The following KCNIP2 variants were observed in gnomAD, a reference collection of about 807,000 sequenced individuals.
KCNIP2 encodes the protein A-type potassium channel modulatory protein KCNIP2.
In KCNIP2, 19 loss-of-function variants were observed where a neutral mutation model predicts 39.0. That is an observed-to-expected ratio of 0.49 (90% confidence interval 0.34 to 0.71). The LOEUF (loss-of-function observed/expected upper bound fraction) is 0.71, where lower values mean the gene tolerates loss of function less well. KCNIP2 is among the 30% of genes least tolerant of loss of function. KCNIP2 has a pLI of 0.01. For missense variants in KCNIP2, 261 were observed against 346.0 expected (o/e 0.75, Z 1.95); for synonymous variants, 111 against 131.2 (o/e 0.85, Z 1.05).
chr10:101,831,302 G>T, intron 1 of KCNIP2, 135 bp from the exon 2 acceptor site: 1 of 693,048 alleles, frequency 1.4e-6, no homozygotes, highest in Non-Finnish European at 2.4e-6. Flanking sequence ...GGAAAGGAAT[G>T]GCAAGGGTGG....
chr10:101,839,788 G>T (rs1392361809), intron 1 of KCNIP2: 1 of 1,611,750 alleles, frequency 6.2e-7, no homozygotes, highest in South Asian at 1.1e-5. Context: ...CTGGTAGAGG[G>T]ATCGCGCTGC....
intron 1 of KCNIP2, among the ~76,000 whole-genome samples, chr10:101,836,013 G>T (rs1035574444): frequency 6.6e-6 from 1 of 152,208 alleles, no homozygotes; most frequent in Admixed American, 6.5e-5. Flanking sequence ...GCCCAGCCAG[G>T]AGGCCCAATT....
Position 101,828,426 on chromosome 10 carries a change from G to T in KCNIP2, c.452C>A (p.Ala151Asp). 1.2e-6 allele frequency: 2 copies of T among 1,614,134 alleles called. No homozygotes were observed. Among genetic ancestry groups the T allele is most frequent in the South Asian group, 1.1e-5 (1 of 91,040 alleles). Residue 151 changes from alanine (A) to aspartate (D), a missense_variant, in exon 6 of 10, where the codon GCC becomes GAC. Transcript: ENST00000356640. This position sits in a 1 kb window ranked among gnomAD's most constrained non-coding sequence, Gnocchi z 6.6. ...SSTYATFLFNAFDTNHDGSVS... is the reference protein window; with the variant it reads ...SSTYATFLFNDFDTNHDGSVS... ...CGAGCCATCATGGTTGGTGTCAAAG[G>T]CATTGAAGAGAAAAGTGGCATAGGT...
intron 1 of KCNIP2, among the ~76,000 whole-genome samples, chr10:101,836,274 CTTTTTT>C (rs976487755): frequency 8.0e-6 from 1 of 124,660 alleles, no homozygotes; most frequent in Non-Finnish European, 1.7e-5. Context: ...TTTTTTTTCT[CTTTTTT>C]TTTTTTTTTT....
At chr10:101,830,900 G>C (rs2065967347) in intron 2 of KCNIP2, among the ~76,000 whole-genome samples, 172 bp downstream of exon 2, 1 of 142,410 alleles carries the variant, frequency 7.0e-6, no homozygotes, top group East Asian at 2.2e-4. Context: ...ACACGCACAG[G>C]CCTGGGGCAG....
chr10:101,828,800 A>C lies in KCNIP2; in HGVS notation c.349-104T>G, dbSNP rs2135136097. The C allele has an allele frequency of 6.2e-7, 1 of 1,600,710 alleles. No individual in the cohort carries two copies. The highest frequency in any genetic ancestry group is 2.3e-5 in the East Asian group (1 of 44,352). On this transcript the variant is annotated intron_variant, in intron 4 of 9. Coordinates refer to ENST00000356640, the MANE Select transcript of KCNIP2 (RefSeq NM_173191.3). The surrounding 1 kb of genome is among the most constrained non-coding windows in gnomAD (Gnocchi z 6.6). ...ACTCCCAGGGAGGGGGATAATCTTC[A>C]AGCCTCCAGAGGACTCACCACGTGG...
At chr10:101,830,449 AC>A in intron 2 of KCNIP2, 1 of 1,289,038 alleles carries the variant, frequency 7.8e-7, no homozygotes, top group Non-Finnish European at 1.0e-6. Context: ...ACAGACCCTC[AC>A]GGCCGCCTGG....
chr10:101,837,462 A>T lies in KCNIP2; in HGVS notation c.73+6034T>A, dbSNP rs138744993. ...GAGGCGGGTGGATCACAAGGTCAGG[A>T]GTTCAAGACCAGCCTGACTCACATG... On this transcript the variant is annotated intron_variant, in intron 1 of 9. Transcript: ENST00000356640. Among the ~76,000 whole-genome samples the T allele has an allele frequency of 7.9e-5, 12 of 152,232 alleles. No individual in the cohort carries two copies. In the East Asian group the frequency reaches 2.3e-3, roughly 29 times the overall value.
intron 3 of KCNIP2, chr10:101,829,424 A>G (rs1018167217): frequency 5.4e-6 from 3 of 551,860 alleles, no homozygotes; most frequent in Middle Eastern, 4.9e-4. Flanking sequence ...CCCCAGAGCC[A>G]GGGATCCGAC....
chr10:101,831,914 A>G (rs947934066), intron 1 of KCNIP2, among the ~76,000 whole-genome samples: 9 of 152,132 alleles, frequency 5.9e-5, no homozygotes, highest in African/African-American at 2.2e-4. Context: ...CTGGGTCCCC[A>G]TGGCACCCAG....
rs1284217969 is a variant in KCNIP2 at position 101,839,649 on chromosome 10, C to T, written c.73+3847G>A. 7 of 1,030,988 alleles carry T rather than the reference C, an allele frequency of 6.8e-6. No individual in the cohort carries two copies. The East Asian group carries it at 1.7e-4, about 25-fold the overall frequency. 63.9% of individuals were successfully genotyped at this position (1,030,988 alleles called of 1,614,324 possible). A position where few individuals can be genotyped will look rare whatever the true frequency, so the allele number is the denominator to read the frequency against. On this transcript the variant is annotated intron_variant, in intron 1 of 9. Coordinates refer to ENST00000356640, the MANE Select transcript of KCNIP2 (RefSeq NM_173191.3). ...TTTCCTTGGAGGGATGTTGCTCCCT[C>T]CATCTATTTGAGGGGCCCTTCCCTC...
At chr10:101,841,226 G>T (rs1255613577) in intron 1 of KCNIP2, among the ~76,000 whole-genome samples, 1 of 152,186 alleles carries the variant, frequency 6.6e-6, no homozygotes, top group African/African-American at 2.4e-5. Context: ...CTGCTTCCCT[G>T]CAAGCCTGAT....
intron 1 of KCNIP2, among the ~76,000 whole-genome samples, chr10:101,832,740 C>T (rs1213768196): frequency 6.6e-6 from 1 of 152,140 alleles, no homozygotes; most frequent in Non-Finnish European, 1.5e-5. Context: ...AGTTGCCCGA[C>T]TCGGGGGTGG....
At chr10:101,832,988 C>A (rs954511140) in intron 1 of KCNIP2, among the ~76,000 whole-genome samples, 1 of 152,200 alleles carries the variant, frequency 6.6e-6, no homozygotes, top group Non-Finnish European at 1.5e-5. Context: ...ACTCCCTGTT[C>A]CCCACTCCAC....
At chr10:101,831,306 A>G (rs1461507005) in intron 1 of KCNIP2, 139 bp from the exon 2 acceptor site, 1 of 685,168 alleles carries the variant, frequency 1.5e-6, no homozygotes, top group African/African-American at 1.8e-5. Flanking sequence ...AGGAATGGCA[A>G]GGGTGGTTGG....
Position 101,829,837 on chromosome 10 carries a change from A to G in KCNIP2, c.223+7T>C, listed in dbSNP as rs2065903155. 1 of 1,400,742 alleles carries G rather than the reference A, an allele frequency of 7.1e-7. No homozygotes were observed. Among genetic ancestry groups the G allele is most frequent in the Non-Finnish European group, 9.3e-7 (1 of 1,078,124 alleles). The allele number at this position is 1,400,742 out of a possible 1,614,324, so 86.8% of individuals were successfully genotyped here. On this transcript the variant is annotated splice_region_variant and intron_variant, in intron 3 of 9. Transcript: ENST00000356640. Reference sequence around the variant, plus strand: ...CCCGCCCCGCCCCCACCAGGAGCGTAAGTCACCTGGGTCCAGCAGGCGGGG... The same window carrying G: ...CCCGCCCCGCCCCCACCAGGAGCGTGAGTCACCTGGGTCCAGCAGGCGGGG...
intron 2 of KCNIP2, 147 bp from the exon 3 acceptor site, chr10:101,830,044 A>T: frequency 1.1e-6 from 1 of 910,414 alleles, no homozygotes; most frequent in Non-Finnish European, 1.7e-6. Context: ...AACGGACCCC[A>T]TGCACACAAG....
At chr10:101,830,837 C>CCA (rs1302813268) in intron 2 of KCNIP2, among the ~76,000 whole-genome samples, 3 of 148,698 alleles carry the variant, frequency 2.0e-5, no homozygotes, top group African/African-American at 5.0e-5. Flanking sequence ...GCACGCCCCC[C>CCA]CACACACACA....
chr10:101,833,376 A>G (rs1019589177), intron 1 of KCNIP2, among the ~76,000 whole-genome samples: 6 of 152,104 alleles, frequency 3.9e-5, no homozygotes, highest in Admixed American at 3.9e-4. Flanking sequence ...ATCACTCTGC[A>G]CTTGGATCCT....
Sources: allele counts gnomAD v4.1 joint callset (sites outside exome capture counted in the v4.1 genomes callset), GRCh38; gene constraint gnomAD v4.1.1; non-coding constraint Gnocchi (gnomAD v3.1); transcripts MANE v1.5; gene names NCBI Gene and HGNC (gene_info 2026-07-23, HGNC 2026-07-21).